ATG4C: variants seen among roughly 807,000 people sequenced by gnomAD.
The protein encoded by ATG4C is autophagy related 4C cysteine peptidase.
In ATG4C, 56 loss-of-function variants were observed where a neutral mutation model predicts 57.6. The ratio of observed to expected loss-of-function variants is 0.97; its 90% confidence interval spans 0.78 to 1.21. The LOEUF (loss-of-function observed/expected upper bound fraction) is 1.21, where lower values mean the gene tolerates loss of function less well. Ranked by LOEUF, ATG4C falls within the 50% of genes most tolerant of loss-of-function variation. The pLI is 0.00. For missense variants in ATG4C, 595 were observed against 529.8 expected (o/e 1.12, Z -1.21); for synonymous variants, 157 against 174.1 (o/e 0.90, Z 0.78).
chr1:62,861,622 CACACAG>C (rs1418265426), intron 10 of ATG4C, among the ~76,000 whole-genome samples: 647 of 30,484 alleles, frequency 0.021, 16 homozygotes, highest in South Asian at 0.068. Context: ...CACACACACA[CACACAG>C]AGAGACACAA....
intron 6 of ATG4C, among the ~76,000 whole-genome samples, chr1:62,825,423 A>G (rs1016696773): frequency 6.6e-6 from 1 of 152,020 alleles, no homozygotes; most frequent in Non-Finnish European, 1.5e-5. Flanking sequence ...ATTTCTGGAC[A>G]CTACTCTGTA....
At chr1:62,844,811 TG>T (rs1302774099) in intron 10 of ATG4C, among the ~76,000 whole-genome samples, 1 of 152,074 alleles carries the variant, frequency 6.6e-6, no homozygotes, top group East Asian at 1.9e-4. Flanking sequence ...TTAAATTTTT[TG>T]TTAATGATAT....
chr1:62,803,854 T>C lies in ATG4C; in HGVS notation c.68T>C (p.Met23Thr). 6.3e-7 allele frequency: 1 copy of C among 1,574,996 alleles called. No homozygotes were observed. The highest frequency in any genetic ancestry group is 1.1e-5 in the South Asian group (1 of 88,496). Residue 23 changes from methionine to threonine, a missense_variant, in exon 2 of 11, where the codon ATG becomes ACG. Met to Thr is a moderately conservative substitution (Grantham distance 81). Transcript: ENST00000317868. Reference protein sequence around the residue: ...KTKFISAWNNMKYSWVLKTKT... With the variant: ...KTKFISAWNNTKYSWVLKTKT... ...AAATTTATATCTGCTTGGAACAACA[T>C]GAAATATAGTAAGTATCATGTTTTA...
chr1:62,816,066 C>A (rs1665261277), intron 3 of ATG4C, among the ~76,000 whole-genome samples: 1 of 152,120 alleles, frequency 6.6e-6, no homozygotes. Flanking sequence ...TCTTTTAATG[C>A]AGGTTGGCTA....
chr1:62,861,257 A>G (rs1666842571), intron 10 of ATG4C, among the ~76,000 whole-genome samples: 1 of 152,140 alleles, frequency 6.6e-6, no homozygotes. Context: ...AGAAAGTTCG[A>G]AAAATAGGCT....
chr1:62,793,356 A>T (rs1664349482), intron 1 of ATG4C, among the ~76,000 whole-genome samples: 1 of 151,652 alleles, frequency 6.6e-6, no homozygotes, highest in Non-Finnish European at 1.5e-5. Context: ...TCATGCCTGT[A>T]GTCCTAGAAC....
In ATG4C at chr1:62,816,812, A is replaced by C. The variant is rs779365109; in HGVS notation, c.394+4A>C. 3.3e-6 allele frequency: 5 copies of C among 1,507,966 alleles called. No homozygotes were observed. Among genetic ancestry groups the C allele is most frequent in the East Asian group, 4.8e-5 (2 of 41,434 alleles). The allele number at this position is 1,507,966 out of a possible 1,614,324, so 93.4% of individuals were successfully genotyped here. Reference sequence around the variant, plus strand: ...ATACTACACTTTCTTGGTAGAGGTAAATCAAATTTCTGTTTTTGTTTTGTT... The same window carrying C: ...ATACTACACTTTCTTGGTAGAGGTACATCAAATTTCTGTTTTTGTTTTGTT... On this transcript the variant is annotated splice_donor_region_variant and intron_variant, in intron 4 of 10. Transcript: ENST00000317868.
chr1:62,831,628 C>CTT (rs5774617), intron 7 of ATG4C, among the ~76,000 whole-genome samples: 14 of 151,112 alleles, frequency 9.3e-5, no homozygotes, highest in Admixed American at 3.3e-4. Context: ...CAAATTAGGA[C>CTT]TTTTTTTTTG....
chr1:62,855,347 C>T (rs956394900), intron 10 of ATG4C, among the ~76,000 whole-genome samples: 2 of 151,846 alleles, frequency 1.3e-5, no homozygotes, highest in South Asian at 4.2e-4. Context: ...TATCTCATAC[C>T]CCCTTTTATT....
At chr1:62,788,496 G>A (rs752478483) in intron 1 of ATG4C, among the ~76,000 whole-genome samples, 3 of 151,528 alleles carry the variant, frequency 2.0e-5, no homozygotes, top group Non-Finnish European at 4.4e-5. Flanking sequence ...AAGTAAGGTG[G>A]CAACGTGACA....
Position 62,803,800 on chromosome 1 carries a change from G to A in ATG4C, c.14G>A (p.Gly5Glu), listed in dbSNP as rs1664761578. The A allele has an allele frequency of 6.2e-7, 1 of 1,606,508 alleles. No homozygotes were observed. The highest frequency in any genetic ancestry group is 1.3e-5 in the African/African-American group (1 of 74,414). ...TAGAATTTGAATATGGAGGCTACAGGAACAGATGAAGTTGACAAGCTAAAA... is the reference window on the plus strand; with the variant it reads ...TAGAATTTGAATATGGAGGCTACAGAAACAGATGAAGTTGACAAGCTAAAA... MEAT[G>E]TDEVDKLKTK... The change falls in exon 2 of 11, where the codon GGA becomes GAA. Residue 5 changes from glycine to glutamate, a missense_variant. Coordinates refer to ENST00000317868, the MANE Select transcript of ATG4C (RefSeq NM_032852.4).
At chr1:62,789,540 G>A (rs921484234) in intron 1 of ATG4C, among the ~76,000 whole-genome samples, 1 of 152,180 alleles carries the variant, frequency 6.6e-6, no homozygotes, top group African/African-American at 2.4e-5. Flanking sequence ...TGGGCCGGGC[G>A]TGGTGGCTCA....
At position 62,864,190 on chromosome 1, in the gene ATG4C, AT is replaced by A. The variant is rs768896793; in HGVS notation, c.*33del. The stretch of plus-strand genomic sequence containing the variant: ...AGCACATTTGTGCTTGATAAGAAGA[AT>A]TCCATTGAAAGGGGAAAAATGAAGA... On this transcript the variant is annotated 3_prime_UTR_variant, in exon 11 of 11. Coordinates refer to ENST00000317868, the MANE Select transcript of ATG4C (RefSeq NM_032852.4). The A allele has an allele frequency of 3.3e-4, 514 of 1,550,350 alleles. 7 individuals are homozygous for A. In the South Asian group the frequency reaches 6.1e-3, roughly 19 times the overall value.
chr1:62,803,601 A>G, intron 1 of ATG4C, 118 bp from the exon 2 acceptor site: 2 of 378,208 alleles, frequency 5.3e-6, no homozygotes, highest in East Asian at 8.2e-5. Context: ...TAAAAAGAGA[A>G]ATTGTTTTGT....
chr1:62,804,247 T>C (rs55835075), intron 2 of ATG4C, among the ~76,000 whole-genome samples: 32,353 of 150,946 alleles, frequency 0.21, 4,313 homozygotes, highest in African/African-American at 0.37. Context: ...CTACCACACC[T>C]GGCTAATTTT....
intron 10 of ATG4C, among the ~76,000 whole-genome samples, chr1:62,850,110 A>G (rs1405465713): frequency 2.0e-5 from 3 of 152,184 alleles, no homozygotes; most frequent in Non-Finnish European, 2.9e-5. Flanking sequence ...AAGTAAAATA[A>G]CAAATGAAAA....
chr1:62,794,879 AT>A (rs995349784), intron 1 of ATG4C, among the ~76,000 whole-genome samples: 1 of 152,176 alleles, frequency 6.6e-6, no homozygotes, highest in African/African-American at 2.4e-5. Context: ...ATGATAGCCC[AT>A]TGTGTTAGAG....
intron 10 of ATG4C, among the ~76,000 whole-genome samples, chr1:62,850,877 T>TATATATATATATATACATAC (rs1666496124): frequency 1.3e-5 from 1 of 75,536 alleles, no homozygotes; most frequent in Non-Finnish European, 2.6e-5. Context: ...TATATATATA[T>TATATATATATATATACATAC]ATATATATAT....
chr1:62,833,497 T>G (rs1244561613), intron 7 of ATG4C, among the ~76,000 whole-genome samples: 1 of 152,200 alleles, frequency 6.6e-6, no homozygotes, highest in Non-Finnish European at 1.5e-5. Flanking sequence ...AATTATTATT[T>G]TCATTGGATT....
Sources: gnomAD v4.1 joint callset for allele counts (sites outside exome capture counted in the v4.1 genomes callset) on GRCh38, gnomAD v4.1.1 for gene constraint, MANE v1.5 for transcripts, NCBI Gene and HGNC (gene_info 2026-07-23, HGNC 2026-07-21) for gene names.